RORB: variants seen among roughly 807,000 people sequenced by gnomAD.
RORB encodes nuclear receptor ROR-beta.
A neutral mutation model predicts 59.1 loss-of-function variants in RORB; 6 were observed. The ratio of observed to expected loss-of-function variants is 0.10; its 90% CI spans 0.06 to 0.20. The LOEUF (loss-of-function observed/expected upper bound fraction) is 0.20. Among genes scored for constraint, RORB ranks in the 10% least tolerant of loss-of-function variants. The probability of loss-of-function intolerance (pLI) is 1.00; values close to 1 mark genes in which losing one functional copy is unlikely to be tolerated. For missense variants in RORB, 320 were observed against 560.5 expected (o/e 0.57, Z 4.33); for synonymous variants, 215 against 204.5 (o/e 1.05, Z -0.44).
intron 7 of RORB, 97 bp from the exon 8 acceptor site, chr9:74,667,694 C>T: frequency 2.7e-6 from 2 of 736,310 alleles, no homozygotes; most frequent in Admixed American, 1.9e-5. Flanking sequence ...GTCTAGTATG[C>T]ACCTCCTTGG....
At position 74,686,038 on chromosome 9, in the gene RORB, T is replaced by C. The variant is rs1824637282; in HGVS notation, c.*420T>C. On this transcript the variant is annotated 3_prime_UTR_variant, in exon 10 of 10. Coordinates refer to ENST00000376896, the MANE Select transcript of RORB (RefSeq NM_006914.4). ...TACCTATTTCTATGTTTTTAGGTAG[T>C]TGATGCATGTGTAAATTTGTAGCTG... The C allele has an allele frequency of 6.5e-6, 1 of 153,730 alleles. No homozygotes were observed. Among genetic ancestry groups the C allele is most frequent in the Non-Finnish European group, 1.5e-5 (1 of 68,708 alleles). The allele number at this position is 153,730 out of a possible 1,614,324, so 9.5% of individuals were successfully genotyped here.
chr9:74,512,788 C>G (rs1423280681), intron 1 of RORB, among the ~76,000 whole-genome samples: 1 of 152,088 alleles, frequency 6.6e-6, no homozygotes, highest in Non-Finnish European at 1.5e-5. Context: ...AAGCTGCTTC[C>G]TCTTTTCTGC....
In RORB at chr9:74,548,891, C is replaced by T. The variant is rs182216756; in HGVS notation, c.7+50908C>T. 1.2e-3 allele frequency among the ~76,000 whole-genome samples: 188 copies of T among 151,824 alleles called. 1 individual carries two copies. Among genetic ancestry groups the T allele is most frequent in the African/African-American group, 3.9e-3 (160 of 41,384 alleles). ...TTTTTCATGAACTTTCATGGTGATC[C>T]GTAATATGGATAATACCTCTTATGT... On this transcript the variant is annotated intron_variant, in intron 1 of 9. Transcript: ENST00000376896.
chr9:74,511,131 A>G (rs980094624), intron 1 of RORB, among the ~76,000 whole-genome samples: 5 of 152,164 alleles, frequency 3.3e-5, no homozygotes, highest in Non-Finnish European at 7.3e-5. Flanking sequence ...ACATACTTTC[A>G]TGTAATATGT....
intron 1 of RORB, among the ~76,000 whole-genome samples, chr9:74,513,666 TC>T (rs1825971050): frequency 6.6e-6 from 1 of 152,106 alleles, no homozygotes; most frequent in African/African-American, 2.4e-5. Context: ...TAGAATAAAA[TC>T]ATGTGCAGGA....
chr9:74,626,439 G>T (rs1823517552), intron 1 of RORB, among the ~76,000 whole-genome samples: 1 of 151,824 alleles, frequency 6.6e-6, no homozygotes, highest in South Asian at 2.1e-4. Context: ...CTCCACAAAG[G>T]ATTACCAATA....
intron 1 of RORB, among the ~76,000 whole-genome samples, chr9:74,539,535 G>A (rs10869417): frequency 0.26 from 39,510 of 151,910 alleles, 5,883 homozygotes; most frequent in East Asian, 0.74. Context: ...GGCCACATTC[G>A]AGACACTGTT....
chr9:74,679,182 C>T (rs1192675344), intron 9 of RORB, among the ~76,000 whole-genome samples: 1 of 152,038 alleles, frequency 6.6e-6, no homozygotes, highest in African/African-American at 2.4e-5. Context: ...GACTAATCAG[C>T]ACTTGAGGAG....
chr9:74,498,132 A>G, intron 1 of RORB, 149 bp downstream of exon 1: 1 of 860,028 alleles, frequency 1.2e-6, no homozygotes, highest in South Asian at 1.5e-5. Context: ...GGGGCTGCAA[A>G]TGGCCTGGGC....
chr9:74,528,522 T>A (rs1232261590), intron 1 of RORB, among the ~76,000 whole-genome samples: 1 of 151,954 alleles, frequency 6.6e-6, no homozygotes, highest in Non-Finnish European at 1.5e-5. Context: ...ACTTGTAAGC[T>A]GTGAACAAAT....
chr9:74,654,060 T>C (rs2118494446), intron 4 of RORB, among the ~76,000 whole-genome samples: 1 of 152,358 alleles, frequency 6.6e-6, no homozygotes, highest in South Asian at 2.1e-4. Context: ...CAAACTTTGC[T>C]TAACTGTGTG....
At chr9:74,641,666 C>A (rs372175707) in intron 3 of RORB, among the ~76,000 whole-genome samples, 1 of 151,754 alleles carries the variant, frequency 6.6e-6, no homozygotes, top group Non-Finnish European at 1.5e-5. Context: ...TTTGAGAGGC[C>A]GAGACAGGAG....
intron 1 of RORB, among the ~76,000 whole-genome samples, chr9:74,518,753 C>A (rs577652594): frequency 1.2e-3 from 186 of 152,034 alleles, no homozygotes; most frequent in Non-Finnish European, 2.1e-3. Flanking sequence ...GACTAGGTAA[C>A]CTGTCCAAAA....
At chr9:74,626,470 A>G (rs1027754023) in intron 1 of RORB, among the ~76,000 whole-genome samples, 17 of 152,226 alleles carry the variant, frequency 1.1e-4, no homozygotes, top group African/African-American at 3.9e-4. Flanking sequence ...AGTGAAATGA[A>G]TATCTAAGAA....
At chr9:74,621,115 A>T (rs1409642903) in intron 1 of RORB, among the ~76,000 whole-genome samples, 2 of 152,204 alleles carry the variant, frequency 1.3e-5, no homozygotes, top group African/African-American at 2.4e-5. Context: ...ATTATAAACC[A>T]ATACTGATAC....
intron 1 of RORB, among the ~76,000 whole-genome samples, chr9:74,533,444 A>G (rs559544261): frequency 6.6e-6 from 1 of 152,128 alleles, no homozygotes; most frequent in East Asian, 1.9e-4. Context: ...CAACATCCCC[A>G]ACCTGGAGAA....
chr9:74,622,110 C>T (rs528938938), intron 1 of RORB, among the ~76,000 whole-genome samples: 2 of 152,152 alleles, frequency 1.3e-5, no homozygotes, highest in Non-Finnish European at 2.9e-5. Flanking sequence ...TAAACTCTGC[C>T]TGGTCATTCT....
chr9:74,648,217 T>C lies in RORB; in HGVS notation c.637+5402T>C, dbSNP rs1354049964. Among the ~76,000 whole-genome samples, 13 of 152,196 alleles carry C rather than the reference T, an allele frequency of 8.5e-5. No homozygotes were observed. The East Asian group carries it at 2.1e-3, about 25-fold the overall frequency. On this transcript the variant is annotated intron_variant, in intron 4 of 9. Transcript: ENST00000376896. ...CCTTGAGAGGAGACATCTTGTGAAC[T>C]TTCATTGTCATCTAACCCCTCTCTC...
chr9:74,503,157 C>G (rs1825824287), intron 1 of RORB, among the ~76,000 whole-genome samples: 2 of 151,888 alleles, frequency 1.3e-5, no homozygotes, highest in African/African-American at 4.8e-5. Flanking sequence ...TGAAATAAGT[C>G]TTTTGTGATA....
Sources: gnomAD v4.1 joint callset for allele counts (sites outside exome capture counted in the v4.1 genomes callset) on GRCh38, gnomAD v4.1.1 for gene constraint, MANE v1.5 for transcripts, NCBI Gene and HGNC (gene_info 2026-07-23, HGNC 2026-07-21) for gene names.